NHSL1: variants seen among roughly 807,000 people sequenced by gnomAD.
The protein encoded by NHSL1 is NHS-like protein 1.
In NHSL1, 48 loss-of-function variants were observed where a neutral mutation model predicts 95.0. The ratio of observed to expected loss-of-function variants is 0.51; its 90% CI spans 0.40 to 0.64. The LOEUF (loss-of-function observed/expected upper bound fraction) is 0.64. NHSL1 is among the 30% of genes least tolerant of loss of function. The pLI, the probability that NHSL1 is intolerant of heterozygous loss-of-function variation, is 0.00. For synonymous variants in NHSL1, 783 were observed against 833.9 expected (o/e 0.94, Z 1.05); for missense variants, 1,971 against 2,077.7 (o/e 0.95, Z 1.00).
At chr6:138,456,666 T>C (rs1161668184) in intron 3 of NHSL1, among the ~76,000 whole-genome samples, 1 of 152,178 alleles carries the variant, frequency 6.6e-6, no homozygotes, top group Non-Finnish European at 1.5e-5. Context: ...CAAATATAAC[T>C]TCCGATAATG....
chr6:138,518,452 G>A (rs1781542660), intron 1 of NHSL1, among the ~76,000 whole-genome samples: 2 of 145,044 alleles, frequency 1.4e-5, no homozygotes, highest in South Asian at 4.6e-4. Context: ...TAATAGAAGT[G>A]AGGGTAGAAC....
Position 138,533,157 on chromosome 6 carries a change from C to G in NHSL1, c.16+12466G>C, listed in dbSNP as rs6938260. Among the ~76,000 whole-genome samples, 987 of 151,854 alleles carry G rather than the reference C, an allele frequency of 6.5e-3. 8 individuals are homozygous for G. The highest frequency in any genetic ancestry group is 0.023 in the African/African-American group (932 of 41,394). On this transcript the variant is annotated intron_variant, in intron 1 of 4. Coordinates refer to the NHSL1 transcript ENST00000342260. Reference sequence around the variant, plus strand: ...AGAAAATGAGGAACAAATGTAATGGCAATACAAAGAAATAGATACAGGGGA... The same window carrying G: ...AGAAAATGAGGAACAAATGTAATGGGAATACAAAGAAATAGATACAGGGGA...
intron 1 of NHSL1, among the ~76,000 whole-genome samples, chr6:138,505,258 T>G (rs956995481): frequency 4.6e-5 from 7 of 152,036 alleles, no homozygotes; most frequent in Admixed American, 3.9e-4. Flanking sequence ...CTAAAAAGGG[T>G]CATTTTCAAA....
At chr6:138,623,303 AAGG>A in intron 1 of NHSL1, among the ~76,000 whole-genome samples, 1 of 152,304 alleles carries the variant, frequency 6.6e-6, no homozygotes, top group South Asian at 2.1e-4. Context: ...TAAATGACTG[AAGG>A]AGACGAAGAG....
chr6:138,467,462 G>C (rs1174487856), intron 3 of NHSL1, among the ~76,000 whole-genome samples: 1 of 152,108 alleles, frequency 6.6e-6, no homozygotes, highest in African/African-American at 2.4e-5. Context: ...AGTATTTTTT[G>C]TTATTTTAGA....
At chr6:138,615,182 T>C (rs1240458436) in intron 1 of NHSL1, among the ~76,000 whole-genome samples, 1 of 152,164 alleles carries the variant, frequency 6.6e-6, no homozygotes, top group Non-Finnish European at 1.5e-5. Context: ...TCCATCCGTA[T>C]TGTCTCTCCA....
At chr6:138,480,118 G>A (rs1279449932) in intron 2 of NHSL1, among the ~76,000 whole-genome samples, 1 of 152,200 alleles carries the variant, frequency 6.6e-6, no homozygotes, top group African/African-American at 2.4e-5. Context: ...GAAAGGCAAA[G>A]AACTGACGGA....
At chr6:138,546,293 C>T (rs779419959), upstream of NHSL1, among the ~76,000 whole-genome samples, 4 of 152,018 alleles carry the variant, frequency 2.6e-5, no homozygotes, top group African/African-American at 7.2e-5. Flanking sequence ...CTACTACATA[C>T]TGCTATTTAA....
Position 138,593,696 on chromosome 6 carries a change from G to A in NHSL1, c.97-97325C>T, listed in dbSNP as rs76542940. ...AACTCATGCACATTATATTTCATGG[G>A]ACCTTTTAAATATTTACTTGTTAGC... On this transcript the variant is annotated intron_variant, in intron 1 of 3. Coordinates refer to the NHSL1 transcript ENST00000491526. 4.6e-5 allele frequency among the ~76,000 whole-genome samples: 7 copies of A among 152,250 alleles called. No homozygotes were observed. In the East Asian group the frequency reaches 1.4e-3, roughly 29 times the overall value.
At chr6:138,458,404 G>A (rs1034453064) in intron 3 of NHSL1, among the ~76,000 whole-genome samples, 2 of 152,088 alleles carry the variant, frequency 1.3e-5, no homozygotes, top group East Asian at 3.9e-4. Flanking sequence ...CCCCAAAGTA[G>A]CCTCAGATCA....
intron 1 of NHSL1, among the ~76,000 whole-genome samples, chr6:138,588,094 C>A (rs6918682): frequency 1.3e-5 from 2 of 152,104 alleles, no homozygotes; most frequent in Non-Finnish European, 2.9e-5. Context: ...CTCCATAAAA[C>A]CCTTAGAAAT....
chr6:138,520,279 TC>T (rs1284374250), intron 1 of NHSL1, among the ~76,000 whole-genome samples: 44 of 141,978 alleles, frequency 3.1e-4, no homozygotes, highest in Admixed American at 8.8e-4. Context: ...CTAGTTTAAT[TC>T]TTTTTTTTTT....
intron 1 of NHSL1, among the ~76,000 whole-genome samples, chr6:138,595,314 C>A (rs1183488262): frequency 2.0e-5 from 3 of 152,282 alleles, no homozygotes; most frequent in East Asian, 3.9e-4. Flanking sequence ...TGGCTCATGC[C>A]CGTAATCCTA....
At chr6:138,578,002 C>T (rs868680667) in intron 1 of NHSL1, among the ~76,000 whole-genome samples, 1 of 152,120 alleles carries the variant, frequency 6.6e-6, no homozygotes, top group African/African-American at 2.4e-5. Context: ...GAAGGCAAAA[C>T]GCAGCTAATT....
In NHSL1 at chr6:138,677,539, T is replaced by G. The variant is rs570450695; in HGVS notation, c.96+14937A>C. ...AACGGGTGCTTAAAACAAGACTCACTGTTGCACGATAATGAAGCGTTAGTT... is the reference window on the plus strand; with the variant it reads ...AACGGGTGCTTAAAACAAGACTCACGGTTGCACGATAATGAAGCGTTAGTT... On this transcript the variant is annotated intron_variant, in intron 1 of 3. Coordinates refer to the NHSL1 transcript ENST00000491526. 2.0e-5 allele frequency among the ~76,000 whole-genome samples: 3 copies of G among 152,338 alleles called. No individual in the cohort carries two copies. The South Asian group carries it at 6.2e-4, about 32-fold the overall frequency.
chr6:138,603,361 C>T (rs2114568957), intron 1 of NHSL1, among the ~76,000 whole-genome samples: 1 of 152,176 alleles, frequency 6.6e-6, no homozygotes, highest in Admixed American at 6.5e-5. Context: ...GGATTCTGAG[C>T]ATTTTAAAAA....
At chr6:138,470,924 G>A (rs12526200) in intron 3 of NHSL1, among the ~76,000 whole-genome samples, 8,461 of 152,122 alleles carry the variant, frequency 0.056, 655 homozygotes, top group East Asian at 0.3. Context: ...TAATTATTAC[G>A]GAAACATTTG....
intron 1 of NHSL1, among the ~76,000 whole-genome samples, chr6:138,679,709 T>C (rs1383069879): frequency 6.6e-6 from 1 of 152,178 alleles, no homozygotes; most frequent in African/African-American, 2.4e-5. Context: ...AAAAGGGCTT[T>C]ACTTGGGATC....
chr6:138,443,929 A>G (rs1385857800), intron 4 of NHSL1, among the ~76,000 whole-genome samples: 2 of 152,208 alleles, frequency 1.3e-5, no homozygotes, highest in Non-Finnish European at 2.9e-5. Context: ...ATTAAGAAAC[A>G]AACCATTTGA....
Sources: allele counts gnomAD v4.1 joint callset (sites outside exome capture counted in the v4.1 genomes callset), GRCh38; gene constraint gnomAD v4.1.1; transcripts MANE v1.5; gene names NCBI Gene and HGNC (gene_info 2026-07-23, HGNC 2026-07-21).